BPIFB1: variants seen among roughly 807,000 people sequenced by gnomAD.
BPIFB1 encodes the protein BPI fold-containing family B member 1.
A neutral mutation model predicts 55.1 loss-of-function variants in BPIFB1; 34 were observed. The ratio of observed to expected loss-of-function variants is 0.62; its 90% confidence interval spans 0.47 to 0.82. The LOEUF is 0.82. Among genes scored for constraint, BPIFB1 ranks in the 40% least tolerant of loss-of-function variants. The pLI is 0.00. For missense variants in BPIFB1, 532 were observed against 593.1 expected (o/e 0.90, Z 1.07); for synonymous variants, 236 against 245.3 (o/e 0.96, Z 0.35).
At chr20:33,305,442 T>C (rs1234918647) in intron 13 of BPIFB1, among the ~76,000 whole-genome samples, 3 of 150,426 alleles carry the variant, frequency 2.0e-5, no homozygotes, top group Non-Finnish European at 4.4e-5. Context: ...CTCAGCCTCC[T>C]GAGTAGCTGG....
In BPIFB1 at chr20:33,302,901, C is replaced by A. The variant is rs1370794016; in HGVS notation, c.982-15C>A. The stretch of plus-strand genomic sequence containing the variant: ...GGCACTTGGGAGGCCACATGTGGGT[C>A]TGATCTCCTTCCAGGCTGCAGATAA... On this transcript the variant is annotated splice_polypyrimidine_tract_variant and intron_variant, in intron 10 of 15. Coordinates refer to ENST00000253354, the MANE Select transcript of BPIFB1 (RefSeq NM_033197.3). The A allele has an allele frequency of 6.2e-7, 1 of 1,613,508 alleles. No individual in the cohort carries two copies. The highest frequency in any genetic ancestry group is 8.5e-7 in the Non-Finnish European group (1 of 1,179,646).
rs1056718444 is a variant in BPIFB1, at chr20:33,290,762, G to A, written c.366-195G>A. Among the ~76,000 whole-genome samples the A allele has an allele frequency of 1.4e-4, 21 of 152,346 alleles. 2 individuals are homozygous for A. Among genetic ancestry groups the A allele is most frequent in the Non-Finnish European group, 1.5e-4 (10 of 68,028 alleles). On this transcript the variant is annotated intron_variant, in intron 4 of 15. Transcript: ENST00000253354. ...GTAAGTTTGGAAGCTGTCAGCAGAC[G>A]AAAGACGTTTCAACCAAAGAGGAGT...
chr20:33,289,797 C>T, intron 3 of BPIFB1, 88 bp from the exon 4 acceptor site: 1 of 1,296,306 alleles, frequency 7.7e-7, no homozygotes, highest in Non-Finnish European at 1.1e-6. Context: ...GCCTAGGCAC[C>T]CCAGGGAGAT....
intron 1 of BPIFB1, among the ~76,000 whole-genome samples, chr20:33,283,940 A>C (rs987282588): frequency 2.0e-5 from 3 of 152,314 alleles, no homozygotes; most frequent in South Asian, 2.1e-4. Context: ...CAGGACAGAC[A>C]GAGTCAAGGT....
intron 6 of BPIFB1, among the ~76,000 whole-genome samples, chr20:33,297,146 C>T (rs1165812657): frequency 6.6e-6 from 1 of 152,246 alleles, no homozygotes; most frequent in Non-Finnish European, 1.5e-5. Flanking sequence ...GTCTCAAACT[C>T]CTGGCCTCAA....
At chr20:33,306,213 T>C in intron 14 of BPIFB1, 148 bp downstream of exon 14, 1 of 880,142 alleles carries the variant, frequency 1.1e-6, no homozygotes, top group Non-Finnish European at 1.8e-6. Flanking sequence ...CCAAGAACCT[T>C]CTCAGCCCAA....
At chr20:33,288,115 C>T (rs892827918) in intron 2 of BPIFB1, among the ~76,000 whole-genome samples, 11 of 152,200 alleles carry the variant, frequency 7.2e-5, no homozygotes, top group African/African-American at 2.4e-4. Flanking sequence ...CCAACTCTCA[C>T]CAATCACTGG....
At chr20:33,303,707 T>C (rs971981216) in intron 11 of BPIFB1, among the ~76,000 whole-genome samples, 7 of 152,188 alleles carry the variant, frequency 4.6e-5, no homozygotes, top group Non-Finnish European at 1.0e-4. Context: ...TAGTGGCTGC[T>C]TTCGTCGTCG....
intron 13 of BPIFB1, 54 bp downstream of exon 13, chr20:33,304,945 A>G: frequency 1.3e-6 from 2 of 1,582,534 alleles, no homozygotes; most frequent in Middle Eastern, 1.7e-4. Flanking sequence ...GGAATGGTCC[A>G]CTCTCAAAAC....
At chr20:33,297,393 C>A in intron 6 of BPIFB1, 132 bp from the exon 7 acceptor site, 3 of 923,256 alleles carry the variant, frequency 3.2e-6, no homozygotes, top group Non-Finnish European at 3.4e-6. Context: ...ATCCTCAACC[C>A]ATGGATGGAA....
At chr20:33,294,839 A>T (rs779207508) in intron 6 of BPIFB1, among the ~76,000 whole-genome samples, 2 of 152,210 alleles carry the variant, frequency 1.3e-5, no homozygotes, top group Non-Finnish European at 2.9e-5. Context: ...ATTTGATATG[A>T]TGGTCATAGA....
chr20:33,293,113 G>A (rs1273412983), intron 6 of BPIFB1, among the ~76,000 whole-genome samples: 1 of 152,204 alleles, frequency 6.6e-6, no homozygotes, highest in Non-Finnish European at 1.5e-5. Context: ...GTAGAGACAA[G>A]GTTTTCGCCA....
chr20:33,306,864 A>T (rs771481123), intron 14 of BPIFB1, 47 bp from the exon 15 acceptor site: 1 of 1,536,708 alleles, frequency 6.5e-7, no homozygotes, highest in Non-Finnish European at 9.0e-7. Flanking sequence ...CTGGCTGCCC[A>T]GTCTCACCCC....
intron 11 of BPIFB1, 98 bp downstream of exon 11, chr20:33,303,172 C>T (rs1235808456): frequency 6.8e-7 from 1 of 1,471,188 alleles, no homozygotes; most frequent in Non-Finnish European, 9.3e-7. Flanking sequence ...TTCCACCACT[C>T]TCATCACTTA....
intron 15 of BPIFB1, among the ~76,000 whole-genome samples, chr20:33,308,660 A>G (rs1212585193): frequency 6.8e-6 from 1 of 147,128 alleles, no homozygotes; most frequent in Non-Finnish European, 1.5e-5. Context: ...ACACACGCAC[A>G]TACAAACACA....
Position 33,303,061 on chromosome 20 carries a change from T to A in BPIFB1, c.1127T>A (p.Phe376Tyr). 6.2e-7 allele frequency: 1 copy of A among 1,613,808 alleles called. No homozygotes were observed. The highest frequency in any genetic ancestry group is 8.5e-7 in the Non-Finnish European group (1 of 1,180,018). Residue 376 changes from phenylalanine to tyrosine, a missense_variant, in exon 11 of 16, where the codon TTC (phenylalanine) becomes TAC (tyrosine). By Grantham distance (22) the Phe-to-Tyr change is conservative. Transcript: ENST00000253354. ...TCCAGTGAAGCCCTCCGCCCTTTGT[T>A]CACCCTGGGCATCGTGAGTTCAGTT... The part of the protein sequence containing the change: ...FPSSEALRPL[F>Y]TLGIEASSEA...
At chr20:33,285,535 A>C (rs916724821) in intron 1 of BPIFB1, among the ~76,000 whole-genome samples, 2 of 151,444 alleles carry the variant, frequency 1.3e-5, no homozygotes, top group African/African-American at 4.9e-5. Flanking sequence ...AACACGGTGA[A>C]ACCCCGTCTC....
Position 33,290,002 on chromosome 20 carries a change from C to T in BPIFB1, c.365+10C>T. On this transcript the variant is annotated intron_variant, in intron 4 of 15. Transcript: ENST00000253354. ...TGGCTGGATTCAACACGTGAGTGAC[C>T]CCTCCATCAAGTACAGTAGGCTTGA... 6.2e-7 allele frequency: 1 copy of T among 1,606,508 alleles called. No homozygotes were observed. The highest frequency in any genetic ancestry group is 1.7e-5 in the Admixed American group (1 of 60,004).
intron 11 of BPIFB1, 62 bp downstream of exon 11, chr20:33,303,136 G>A: frequency 6.3e-7 from 1 of 1,589,518 alleles, no homozygotes; most frequent in Non-Finnish European, 8.6e-7. Context: ...TACTTTTCCT[G>A]TTCGCCCTCT....
Sources: gnomAD v4.1 joint callset for allele counts (sites outside exome capture counted in the v4.1 genomes callset) on GRCh38, gnomAD v4.1.1 for gene constraint, MANE v1.5 for transcripts, NCBI Gene and HGNC (gene_info 2026-07-23, HGNC 2026-07-21) for gene names.